MYO3A: variants seen among roughly 807,000 people sequenced by gnomAD.
MYO3A encodes the protein myosin-IIIa.
Under a neutral mutation model 192.7 loss-of-function variants are expected in MYO3A, and 180 were observed. The observed-to-expected ratio is 0.93, with a 90% CI of 0.83 to 1.06. The LOEUF (loss-of-function observed/expected upper bound fraction) is 1.06, where lower values mean the gene tolerates loss of function less well. Among genes scored for constraint, MYO3A ranks in the 50% least tolerant of loss-of-function variants. The pLI is 0.00. For missense variants in MYO3A, 1,896 were observed against 1,905.0 expected (o/e 1.00, Z 0.09); for synonymous variants, 628 against 645.3 (o/e 0.97, Z 0.41).
chr10:26,026,890 A>G (rs1319991444), intron 10 of MYO3A, among the ~76,000 whole-genome samples: 3 of 152,114 alleles, frequency 2.0e-5, no homozygotes, highest in African/African-American at 7.2e-5. Context: ...TTTAGTAGAG[A>G]CAGGGTTTCA....
Position 26,026,390 on chromosome 10 carries a change from GA to G in MYO3A, c.812del (p.Asp271ValfsTer25), listed in dbSNP as rs1564471805. On this transcript the variant is annotated frameshift_variant, in exon 10 of 35. Coordinates refer to ENST00000642920, the MANE Select transcript of MYO3A (RefSeq NM_017433.5). LOFTEE classifies it high-confidence loss of function. ...TTGCCAGTGCAGGTGCTTGACTAAA[GA>G]TTATGAAAAGCGTCCAACAGTGTCA... The part of the protein sequence containing the change: ...NDFISKCLTK[D>X]YEKRPTVSEL... The G allele has an allele frequency of 6.2e-7, 1 of 1,614,108 alleles. No individual in the cohort carries two copies. Among genetic ancestry groups the G allele is most frequent in the East Asian group, 2.2e-5 (1 of 44,866 alleles).
At chr10:26,151,755 A>G (rs976077667) in intron 23 of MYO3A, among the ~76,000 whole-genome samples, 6 of 152,162 alleles carry the variant, frequency 3.9e-5, no homozygotes, top group African/African-American at 1.2e-4. Context: ...CCCAGGCTTT[A>G]CCTGAGTTCC....
chr10:25,961,698 A>C (rs576196190), intron 4 of MYO3A, among the ~76,000 whole-genome samples: 1 of 152,320 alleles, frequency 6.6e-6, no homozygotes, highest in South Asian at 2.1e-4. Context: ...ATTGATTTGC[A>C]TATGTAAATT....
chr10:26,060,439 A>T (rs12781231), intron 10 of MYO3A, among the ~76,000 whole-genome samples: 11 of 151,710 alleles, frequency 7.3e-5, no homozygotes, highest in Admixed American at 1.3e-4. Context: ...CTGCACTCCA[A>T]CCTGGGTGAC....
At chr10:26,019,109 A>G (rs1842138179) in intron 7 of MYO3A, among the ~76,000 whole-genome samples, 1 of 152,042 alleles carries the variant, frequency 6.6e-6, no homozygotes, top group Non-Finnish European at 1.5e-5. Flanking sequence ...CCCCTCAAAG[A>G]AACCTAGTAC....
chr10:26,053,350 A>G (rs1362566625), intron 10 of MYO3A, among the ~76,000 whole-genome samples: 3 of 152,234 alleles, frequency 2.0e-5, no homozygotes, highest in Non-Finnish European at 4.4e-5. Flanking sequence ...TATTCACTCA[A>G]ATATATTTTG....
intron 6 of MYO3A, among the ~76,000 whole-genome samples, chr10:26,012,869 A>G (rs186596533): frequency 5.2e-4 from 79 of 152,330 alleles, no homozygotes; most frequent in African/African-American, 1.9e-3. Context: ...ACTGGACTTC[A>G]AATTATACTA....
chr10:25,946,884 A>G (rs1836874296), intron 2 of MYO3A, among the ~76,000 whole-genome samples: 1 of 148,792 alleles, frequency 6.7e-6, no homozygotes, highest in Non-Finnish European at 1.5e-5. Context: ...TCTCAAAAAA[A>G]AAAAAAAAAA....
At chr10:26,054,855 G>C (rs2131306884) in intron 10 of MYO3A, among the ~76,000 whole-genome samples, 1 of 152,344 alleles carries the variant, frequency 6.6e-6, no homozygotes, top group South Asian at 2.1e-4. Flanking sequence ...TGAATTTCCA[G>C]ATGAAACTGA....
chr10:26,210,534 G>A (rs138658118), intron 34 of MYO3A, among the ~76,000 whole-genome samples: 3 of 152,208 alleles, frequency 2.0e-5, no homozygotes, highest in African/African-American at 4.8e-5. Flanking sequence ...AGCCACTATC[G>A]GTCTTGCTTG....
chr10:26,126,735 G>T (rs76778298), intron 19 of MYO3A, among the ~76,000 whole-genome samples: 1 of 152,124 alleles, frequency 6.6e-6, no homozygotes, highest in African/African-American at 2.4e-5. Flanking sequence ...TCATCTGCAT[G>T]TTTGGCACTA....
Position 25,997,148 on chromosome 10 carries a change from T to C in MYO3A, c.409-11T>C. On this transcript the variant is annotated splice_polypyrimidine_tract_variant and intron_variant, in intron 5 of 34. Transcript: ENST00000642920. ...TTTGTTAAGAGTCATTATATATTTC[T>C]TATCTTCTAGGGACTTCAACATTTG... The C allele has an allele frequency of 1.2e-6, 2 of 1,603,512 alleles. No individual in the cohort carries two copies. The highest frequency in any genetic ancestry group is 2.2e-5 in the South Asian group (2 of 90,834).
chr10:26,037,728 G>A (rs968115615), intron 10 of MYO3A, among the ~76,000 whole-genome samples: 10 of 152,142 alleles, frequency 6.6e-5, no homozygotes, highest in Admixed American at 5.9e-4. Context: ...TGTCCAGGAA[G>A]CATGACTGGG....
chr10:26,101,557 G>A (rs1233818866), intron 17 of MYO3A, among the ~76,000 whole-genome samples: 2 of 152,118 alleles, frequency 1.3e-5, no homozygotes, highest in Non-Finnish European at 2.9e-5. Flanking sequence ...TCCACGTTTA[G>A]TGCTTCCTTC....
chr10:26,023,887 T>A, intron 8 of MYO3A, 135 bp from the exon 9 acceptor site: 1 of 811,320 alleles, frequency 1.2e-6, no homozygotes, highest in Non-Finnish European at 2.2e-6. Context: ...TTTATCTGTC[T>A]TGGAATTGGG....
chr10:25,983,934 C>T (rs986495084), intron 4 of MYO3A, among the ~76,000 whole-genome samples: 10 of 152,170 alleles, frequency 6.6e-5, no homozygotes, highest in Admixed American at 5.2e-4. Context: ...CCTACAAACT[C>T]GAAGGGATTG....
intron 26 of MYO3A, among the ~76,000 whole-genome samples, chr10:26,164,462 G>C (rs946728669): frequency 2.0e-5 from 3 of 152,194 alleles, no homozygotes; most frequent in Non-Finnish European, 2.9e-5. Context: ...GTGTCTGGTG[G>C]CTTCCAGTGA....
At chr10:26,183,687 A>T (rs941394044) in intron 31 of MYO3A, among the ~76,000 whole-genome samples, 10 of 152,182 alleles carry the variant, frequency 6.6e-5, no homozygotes, top group African/African-American at 2.4e-4. Context: ...ATCGGCATTC[A>T]GTTGGCAGGA....
intron 26 of MYO3A, among the ~76,000 whole-genome samples, chr10:26,162,723 A>G (rs1313732320): frequency 6.6e-6 from 1 of 152,208 alleles, no homozygotes; most frequent in African/African-American, 2.4e-5. Context: ...GAATAACATC[A>G]CACCAAATAC....
Sources: allele counts gnomAD v4.1 joint callset (sites outside exome capture counted in the v4.1 genomes callset), GRCh38; gene constraint gnomAD v4.1.1; transcripts MANE v1.5; gene names NCBI Gene and HGNC (gene_info 2026-07-23, HGNC 2026-07-21).